Variants in PDE1A observed in about 807,000 individuals in gnomAD.
The protein encoded by PDE1A is phosphodiesterase 1A.
PDE1A carries 35 observed loss-of-function variants against 61.7 expected under a neutral mutation model. The observed-to-expected ratio is 0.57, with a 90% CI of 0.43 to 0.75. The LOEUF (loss-of-function observed/expected upper bound fraction) is 0.75, where lower values mean the gene tolerates loss of function less well. Ranked by LOEUF, PDE1A falls within the 30% of genes least tolerant of loss-of-function variation. PDE1A has a pLI of 0.00. For synonymous variants in PDE1A, 232 were observed against 213.2 expected (o/e 1.09, Z -0.77); for missense variants, 597 against 630.6 (o/e 0.95, Z 0.57).
At chr2:182,513,459 T>C (rs2099185) in intron 2 of PDE1A, among the ~76,000 whole-genome samples, 52,986 of 152,038 alleles carry the variant, frequency 0.35, 9,824 homozygotes, top group Middle Eastern at 0.44. Context: ...GTGCTAAACA[T>C]AGCAACAAAA....
the PDE1A span, among the ~76,000 whole-genome samples, chr2:182,637,945 T>C: frequency 1.3e-5 from 2 of 151,102 alleles, no homozygotes; most frequent in East Asian, 3.9e-4. Flanking sequence ...GTCAAAGTCA[T>C]ACAAAAAAGG....
the PDE1A span, among the ~76,000 whole-genome samples, chr2:182,563,021 A>G: frequency 6.6e-6 from 1 of 152,000 alleles, no homozygotes; most frequent in Non-Finnish European, 1.5e-5. Flanking sequence ...TGGATTCATT[A>G]ATTTTTTGAA....
chr2:182,201,650 C>CAAATAAA (rs1686646179), intron 9 of PDE1A, 38 bp downstream of exon 9: 1 of 1,101,384 alleles, frequency 9.1e-7, no homozygotes, highest in African/African-American at 1.7e-5. Flanking sequence ...TTTAACATGA[C>CAAATAAA]AAAAAAAAAA....
chr2:182,396,544 CCTT>C (rs1701715862), intron 1 of PDE1A, among the ~76,000 whole-genome samples: 1 of 152,196 alleles, frequency 6.6e-6, no homozygotes, highest in Non-Finnish European at 1.5e-5. Context: ...AGTATTTCCT[CCTT>C]ATTTTGCTAA....
chr2:182,690,391 A>G, the PDE1A span, among the ~76,000 whole-genome samples: 7 of 152,192 alleles, frequency 4.6e-5, no homozygotes, highest in Admixed American at 3.9e-4. Context: ...AAATCAATAA[A>G]CGTAATCCAG....
the PDE1A span, among the ~76,000 whole-genome samples, chr2:182,622,551 A>G: frequency 6.6e-6 from 1 of 152,194 alleles, no homozygotes; most frequent in South Asian, 2.1e-4. Context: ...TTTTTTTGCC[A>G]TAAAGAAAAA....
At chr2:182,459,467 C>A (rs1001484838) in intron 2 of PDE1A, among the ~76,000 whole-genome samples, 5 of 152,118 alleles carry the variant, frequency 3.3e-5, no homozygotes, top group African/African-American at 1.2e-4. Context: ...GCCTTGAATT[C>A]ATTAACGCCT....
At chr2:182,601,479 G>A in the PDE1A span, among the ~76,000 whole-genome samples, 1 of 152,238 alleles carries the variant, frequency 6.6e-6, no homozygotes, top group Non-Finnish European at 1.5e-5. Flanking sequence ...AATGTGGTGA[G>A]CAAGGGGTAT....
At chr2:182,308,868 C>T (rs1177756982) in intron 1 of PDE1A, among the ~76,000 whole-genome samples, 1 of 151,990 alleles carries the variant, frequency 6.6e-6, no homozygotes, top group East Asian at 1.9e-4. Flanking sequence ...TTAGTCAAAG[C>T]ACACATACAA....
intron 6 of PDE1A, among the ~76,000 whole-genome samples, chr2:182,226,572 G>A (rs4503956): frequency 0.7 from 104,462 of 148,970 alleles, 37,799 homozygotes; most frequent in African/African-American, 0.79. Flanking sequence ...GGTATCAGAA[G>A]GAATTCTAAC....
chr2:182,657,120 G>A, the PDE1A span, among the ~76,000 whole-genome samples: 1 of 152,166 alleles, frequency 6.6e-6, no homozygotes, highest in African/African-American at 2.4e-5. Flanking sequence ...CTACTTGCGA[G>A]GCTGAGGCAG....
the PDE1A span, among the ~76,000 whole-genome samples, chr2:182,687,874 C>T: frequency 3.3e-5 from 5 of 151,916 alleles, no homozygotes; most frequent in East Asian, 1.9e-4. Flanking sequence ...AAGAACTATG[C>T]GATGAATGCA....
intron 2 of PDE1A, among the ~76,000 whole-genome samples, chr2:182,520,526 A>G (rs1457941647): frequency 1.3e-5 from 2 of 151,944 alleles, no homozygotes; most frequent in Non-Finnish European, 2.9e-5. Flanking sequence ...GGATGACTCT[A>G]TCACCCTTTT....
At chr2:182,182,177 A>G (rs1684820361) in intron 13 of PDE1A, among the ~76,000 whole-genome samples, 1 of 152,140 alleles carries the variant, frequency 6.6e-6, no homozygotes, top group South Asian at 2.1e-4. Flanking sequence ...CAGAATGCCA[A>G]ATTGTTCCAT....
At chr2:182,676,875 T>A in the PDE1A span, among the ~76,000 whole-genome samples, 1 of 152,184 alleles carries the variant, frequency 6.6e-6, no homozygotes, top group Non-Finnish European at 1.5e-5. Context: ...CCATTCATGT[T>A]AAAAACTTTC....
chr2:182,565,291 G>T, the PDE1A span, among the ~76,000 whole-genome samples: 6 of 152,156 alleles, frequency 3.9e-5, no homozygotes, highest in African/African-American at 1.4e-4. Flanking sequence ...CTCAGCTGCA[G>T]GTCTGTTGGA....
At chr2:182,525,262 GTAA>G (rs1277552619), upstream of PDE1A, among the ~76,000 whole-genome samples, 1 of 151,848 alleles carries the variant, frequency 6.6e-6, no homozygotes, top group African/African-American at 2.4e-5. Context: ...TCATTATAGT[GTAA>G]TTATTCAATA....
the PDE1A span, among the ~76,000 whole-genome samples, chr2:182,688,153 A>G: frequency 6.6e-6 from 1 of 152,212 alleles, no homozygotes; most frequent in South Asian, 2.1e-4. Context: ...GCAGGCCAAC[A>G]TTCAAATTCA....
At chr2:182,651,831 A>T in the PDE1A span, among the ~76,000 whole-genome samples, 9 of 152,228 alleles carry the variant, frequency 5.9e-5, no homozygotes, top group African/African-American at 2.2e-4. Flanking sequence ...CATACAGATC[A>T]TCACAAGGCT....
Sources: gnomAD v4.1 joint callset for allele counts (sites outside exome capture counted in the v4.1 genomes callset) on GRCh38, gnomAD v4.1.1 for gene constraint, MANE v1.5 for transcripts, NCBI Gene and HGNC (gene_info 2026-07-23, HGNC 2026-07-21) for gene names.